The following LCK variants were observed in gnomAD, a reference collection of about 807,000 sequenced individuals.
LCK encodes LCK proto-oncogene, Src family tyrosine kinase.
LCK carries 14 observed loss-of-function variants against 64.6 expected under a neutral mutation model. The observed-to-expected ratio is 0.22, with a 90% confidence interval of 0.14 to 0.34. The LOEUF (loss-of-function observed/expected upper bound fraction) is 0.34. Ranked by LOEUF, LCK falls within the 10% of genes least tolerant of loss-of-function variation. LCK has a pLI of 1.00. For synonymous variants in LCK, 277 were observed against 263.6 expected (o/e 1.05, Z -0.49); for missense variants, 434 against 668.1 (o/e 0.65, Z 3.86).
At chr1:32,280,309 T>C in intron 12 of LCK, 99 bp downstream of exon 12, 2 of 1,481,746 alleles carry the variant, frequency 1.3e-6, no homozygotes, top group Non-Finnish European at 1.8e-6. Flanking sequence ...ACTTTGTAGC[T>C]GCATCTCCTC....
At chr1:32,253,744 T>G (rs1639563381) in intron 1 of LCK, among the ~76,000 whole-genome samples, 2 of 152,160 alleles carry the variant, frequency 1.3e-5, no homozygotes, top group East Asian at 3.9e-4. Context: ...CAAATCAGCC[T>G]GTTTCCTGTA....
chr1:32,279,511 T>A (rs1640384033), intron 9 of LCK, 160 bp from the exon 10 acceptor site: 1 of 1,431,172 alleles, frequency 7.0e-7, no homozygotes, highest in Middle Eastern at 2.1e-4. Context: ...CCTTTACATA[T>A]CCTGGGCATC....
chr1:32,268,690 G>A (rs1639995236), intron 1 of LCK, among the ~76,000 whole-genome samples: 1 of 151,810 alleles, frequency 6.6e-6, no homozygotes, highest in Non-Finnish European at 1.5e-5. Context: ...GCACATGCCT[G>A]TAATCCCAGC....
In LCK at chr1:32,259,289, T is replaced by TAAA. The variant is rs10656936; in HGVS notation, c.-6+7929_-6+7931dup. On this transcript the variant is annotated intron_variant, in intron 1 of 12. Coordinates refer to ENST00000336890, the MANE Select transcript of LCK (RefSeq NM_005356.5). ...GCCCTCTCATTCACAGCTTCTCAGG[T>TAAA]AAAAAAAAAAAAAGAAAAAGAAAAA... Among the ~76,000 whole-genome samples, 330 of 124,174 alleles carry TAAA rather than the reference T, an allele frequency of 2.7e-3. 13 individuals carry two copies. Among genetic ancestry groups the TAAA allele is most frequent in the Middle Eastern group, 0.015 (4 of 260 alleles). The allele number at this position is 124,174 out of a possible 152,430, so 81.5% of individuals were successfully genotyped here.
At chr1:32,274,486 C>A (rs1325579141) in intron 2 of LCK, 52 bp downstream of exon 2, 2 of 1,444,840 alleles carry the variant, frequency 1.4e-6, no homozygotes, top group African/African-American at 2.8e-5. Flanking sequence ...AGAATGCAAC[C>A]CAGGAGAAAG....
rs1640400346 is a variant in LCK at position 32,279,929 on chromosome 1, G to A, written c.1130G>A (p.Ser377Asn). ...AACATTCTGGTGTCTGACACCCTGAGCTGCAAGATTGCAGACTTTGGCCTA... is the reference window on the plus strand; with the variant it reads ...AACATTCTGGTGTCTGACACCCTGAACTGCAAGATTGCAGACTTTGGCCTA... Reference protein sequence around the residue: ...AANILVSDTLSCKIADFGLAR... With the variant: ...AANILVSDTLNCKIADFGLAR... Residue 377 changes from serine (S) to asparagine (N), a missense_variant, in exon 11 of 13, where the codon AGC (serine) becomes AAC (asparagine). By Grantham distance (46) the Ser-to-Asn change is conservative. This residue lies in a region of LCK where 201 missense variants were observed against 376.9 expected (regional missense o/e 0.53). Transcript: ENST00000336890. 1 of 1,614,078 alleles carries A rather than the reference G, an allele frequency of 6.2e-7. No homozygotes were observed. The highest frequency in any genetic ancestry group is 8.5e-7 in the Non-Finnish European group (1 of 1,180,040).
chr1:32,254,959 G>C (rs1356641910), intron 1 of LCK, among the ~76,000 whole-genome samples: 1 of 151,980 alleles, frequency 6.6e-6, no homozygotes, highest in Non-Finnish European at 1.5e-5. Context: ...GACCTGCCTG[G>C]GCAACATAGG....
intron 9 of LCK, 187 bp from the exon 10 acceptor site, chr1:32,279,484 G>GC: frequency 9.7e-7 from 1 of 1,033,874 alleles, no homozygotes; most frequent in Non-Finnish European, 1.4e-6. Flanking sequence ...CTCTACCCTA[G>GC]CCCCTCTGCA....
intron 1 of LCK, among the ~76,000 whole-genome samples, chr1:32,272,554 G>A (rs115246283): frequency 0.012 from 1,438 of 120,266 alleles, 21 homozygotes; most frequent in African/African-American, 0.043. Flanking sequence ...GCCTGGGAGA[G>A]GAAGGGAGAC....
At chr1:32,283,613 G>C (rs1288014096) in intron 12 of LCK, among the ~76,000 whole-genome samples, 1 of 152,114 alleles carries the variant, frequency 6.6e-6, no homozygotes, top group Non-Finnish European at 1.5e-5. Context: ...TGCCAGAGGG[G>C]CCAGGACCAG....
At chr1:32,283,428 C>T (rs1640521279) in intron 12 of LCK, among the ~76,000 whole-genome samples, 1 of 151,980 alleles carries the variant, frequency 6.6e-6, no homozygotes. Flanking sequence ...TTTGTAAATA[C>T]CCTATAAGGT....
chr1:32,261,952 GAAAAAAAAAAA>G (rs934560000), intron 1 of LCK, among the ~76,000 whole-genome samples: 2 of 40,116 alleles, frequency 5.0e-5, no homozygotes, highest in Admixed American at 2.8e-4. Context: ...GACTCTGTCA[GAAAAAAAAAAA>G]AAAAAAAAAA....
Position 32,276,234 on chromosome 1 carries a change from G to A in LCK, c.632-103G>A. On this transcript the variant is annotated intron_variant, in intron 7 of 12. Transcript: ENST00000336890. This position sits in a 1 kb window ranked among gnomAD's most constrained non-coding sequence, Gnocchi z 4.6. ...TTGGGTGACAGCCCCACACCCCCTT[G>A]CTAGTCCACTTCACCTAGATGGGGG... The A allele has an allele frequency of 6.8e-7, 1 of 1,478,708 alleles. No homozygotes were observed. The allele number at this position is 1,478,708 out of a possible 1,614,324, so 91.6% of individuals were successfully genotyped here.
At chr1:32,278,249 C>T (rs1052975096) in intron 9 of LCK, among the ~76,000 whole-genome samples, 1 of 152,126 alleles carries the variant, frequency 6.6e-6, no homozygotes, top group Admixed American at 6.6e-5. Flanking sequence ...TGTTATCTGG[C>T]TCTGATTCTT....
rs1640228022 is a variant in LCK, at chr1:32,275,382, A to C, written c.340A>C (p.Asn114His). 1 of 1,613,978 alleles carries C rather than the reference A, an allele frequency of 6.2e-7. No individual in the cohort carries two copies. The highest frequency in any genetic ancestry group is 1.7e-5 in the Admixed American group (1 of 59,992). ...TTGQEGFIPF[N>H]FVAKANSLEP... ...GGGCCAGGAAGGCTTCATCCCCTTC[A>C]ATTTTGTGGCCAAAGCGAACAGCCT... The change falls in exon 5 of 13, where the codon AAT becomes CAT. Residue 114 changes from asparagine (N) to histidine (H), a missense_variant. By Grantham distance (68) the Asn-to-His change is moderately conservative. Transcript: ENST00000336890. This position sits in a 1 kb window ranked among gnomAD's most constrained non-coding sequence, Gnocchi z 6.9.
chr1:32,254,866 A>G (rs1047860904), intron 1 of LCK, among the ~76,000 whole-genome samples: 3 of 152,104 alleles, frequency 2.0e-5, no homozygotes, highest in African/African-American at 4.8e-5. Context: ...ACACTCAAAC[A>G]GGCCAGGCAC....
At chr1:32,265,219 G>A (rs1405699582) in intron 1 of LCK, among the ~76,000 whole-genome samples, 1 of 151,852 alleles carries the variant, frequency 6.6e-6, no homozygotes, top group Non-Finnish European at 1.5e-5. Context: ...ATTTAATTAA[G>A]TATGCAATGA....
chr1:32,280,188 C>G lies in LCK; in HGVS notation c.1305C>G (p.Thr435=). 1 of 1,614,068 alleles carries G rather than the reference C, an allele frequency of 6.2e-7. No homozygotes were observed. The highest frequency in any genetic ancestry group is 8.5e-7 in the Non-Finnish European group (1 of 1,180,008). Residue 435 remains threonine, a synonymous_variant, in exon 12 of 13, where the codon ACC becomes ACG. Transcript: ENST00000336890. ...GGATCCTGCTGACGGAAATTGTCACCCACGGCCGCATCCCTTACCCAGGTT... is the reference window on the plus strand; with the variant it reads ...GGATCCTGCTGACGGAAATTGTCACGCACGGCCGCATCCCTTACCCAGGTT... The part of the protein sequence containing the change: ...SFGILLTEIV[T]HGRIPYPGMT...
At chr1:32,260,322 T>C (rs1162179263) in intron 1 of LCK, among the ~76,000 whole-genome samples, 1 of 152,174 alleles carries the variant, frequency 6.6e-6, no homozygotes, top group Non-Finnish European at 1.5e-5. Context: ...TTTATTTTTA[T>C]TTTTACAGAG....
Sources: allele counts gnomAD v4.1 joint callset (sites outside exome capture counted in the v4.1 genomes callset), GRCh38; gene constraint gnomAD v4.1.1; regional missense constraint gnomAD v4.1.1; non-coding constraint Gnocchi (gnomAD v3.1); transcripts MANE v1.5; gene names NCBI Gene and HGNC (gene_info 2026-07-23, HGNC 2026-07-21).